The following CREM variants were observed in gnomAD, a reference collection of about 807,000 sequenced individuals.
CREM encodes cAMP responsive element modulator, also known as cAMP-responsive element modulator.
Under a neutral mutation model 37.3 loss-of-function variants are expected in CREM, and 13 were observed. The observed-to-expected ratio is 0.35, with a 90% CI of 0.23 to 0.55. The LOEUF (loss-of-function observed/expected upper bound fraction) is 0.55, where lower values mean the gene tolerates loss of function less well. CREM is among the 20% of genes least tolerant of loss of function. The pLI is 0.88. For missense variants in CREM, 296 were observed against 362.3 expected (o/e 0.82, Z 1.49); for synonymous variants, 124 against 120.2 (o/e 1.03, Z -0.21).
intron 3 of CREM, among the ~76,000 whole-genome samples, chr10:35,164,609 T>A (rs1277443191): frequency 6.6e-6 from 1 of 152,256 alleles, no homozygotes; most frequent in Admixed American, 6.5e-5. Context: ...GATTTCATGG[T>A]AAGACCAAAC....
At chr10:35,145,703 TG>T (rs1462739959) in intron 2 of CREM, among the ~76,000 whole-genome samples, 1 of 128,072 alleles carries the variant, frequency 7.8e-6, no homozygotes, top group Non-Finnish European at 1.6e-5. Context: ...TGCTGGAACC[TG>T]GGAGGCAGAG....
chr10:35,175,290 C>T (rs1190432877), intron 3 of CREM, among the ~76,000 whole-genome samples: 1 of 152,120 alleles, frequency 6.6e-6, no homozygotes, highest in Non-Finnish European at 1.5e-5. Flanking sequence ...ACTAAAAATA[C>T]AAACAATTAG....
chr10:35,180,660 A>AT (rs780004521), intron 5 of CREM, among the ~76,000 whole-genome samples: 1 of 152,142 alleles, frequency 6.6e-6, no homozygotes, highest in Non-Finnish European at 1.5e-5. Context: ...TTACATTGTC[A>AT]TTTTTTTATT....
chr10:35,157,050 T>G (rs2092959030), intron 3 of CREM, among the ~76,000 whole-genome samples: 1 of 152,234 alleles, frequency 6.6e-6, no homozygotes, highest in Non-Finnish European at 1.5e-5. Context: ...TTAACAGTGA[T>G]CAAGTACCAT....
intron 5 of CREM, among the ~76,000 whole-genome samples, chr10:35,185,985 G>C (rs987941951): frequency 6.6e-6 from 1 of 152,176 alleles, no homozygotes; most frequent in African/African-American, 2.4e-5. Flanking sequence ...TATCGCCTAA[G>C]TGCTTTTTTG....
chr10:35,155,039 A>C (rs1419097304), intron 3 of CREM, among the ~76,000 whole-genome samples: 18 of 152,180 alleles, frequency 1.2e-4, no homozygotes, highest in Admixed American at 1.2e-3. Flanking sequence ...CTTTGCTTTA[A>C]ATAAATTTTG....
chr10:35,155,831 G>A (rs935958861), intron 3 of CREM, among the ~76,000 whole-genome samples: 4 of 151,770 alleles, frequency 2.6e-5, no homozygotes, highest in Middle Eastern at 3.2e-3. Flanking sequence ...GGGTTTCACC[G>A]TGTTAGCCAG....
chr10:35,207,547 G>C (rs569759136), intron 7 of CREM, among the ~76,000 whole-genome samples: 1 of 151,884 alleles, frequency 6.6e-6, no homozygotes, highest in South Asian at 2.1e-4. Flanking sequence ...AGGTCAAGGC[G>C]GGCAGATCAC....
At position 35,175,554 on chromosome 10, in the gene CREM, C is replaced by T. The variant is rs187033981; in HGVS notation, c.169-3335C>T. On this transcript the variant is annotated intron_variant, in intron 3 of 7. Coordinates refer to ENST00000685392, the MANE Select transcript of CREM (RefSeq NM_183011.2). ...GCTTCACTGTTAGTAGGCGTGAGGTCGTAGTGAGGTAGTTTAACTGCTTTA... is the reference window on the plus strand; with the variant it reads ...GCTTCACTGTTAGTAGGCGTGAGGTTGTAGTGAGGTAGTTTAACTGCTTTA... 1,236 of 889,814 alleles carry T rather than the reference C, an allele frequency of 1.4e-3. 5 individuals are homozygous for T. Among genetic ancestry groups the T allele is most frequent in the Non-Finnish European group, 1.1e-3 (628 of 551,026 alleles). The allele number at this position is 889,814 out of a possible 1,614,324, so 55.1% of individuals were successfully genotyped here. A position where few individuals can be genotyped will look rare whatever the true frequency, so the allele number is the denominator to read the frequency against.
At chr10:35,158,351 A>T (rs1280357468) in intron 3 of CREM, 1 of 219,240 alleles carries the variant, frequency 4.6e-6, no homozygotes, top group African/African-American at 2.4e-5. Context: ...ACAGACCGAG[A>T]AGCAGGCTGC....
intron 3 of CREM, chr10:35,175,973 C>A: frequency 6.4e-7 from 1 of 1,551,236 alleles, no homozygotes; most frequent in South Asian, 1.2e-5. Flanking sequence ...ATGGGTTATT[C>A]AGTCATCAGA....
intron 1 of CREM, among the ~76,000 whole-genome samples, chr10:35,132,197 G>C (rs1371597670): frequency 7.9e-6 from 1 of 126,662 alleles, no homozygotes; most frequent in Non-Finnish European, 1.6e-5. Context: ...CGAGACTTGA[G>C]TCTCAAAAAA....
intron 3 of CREM, among the ~76,000 whole-genome samples, chr10:35,151,365 G>A (rs80022969): frequency 0.15 from 22,961 of 151,860 alleles, 1,959 homozygotes; most frequent in East Asian, 0.24. Context: ...GTTTTGTTTC[G>A]TTTTGTTTTT....
chr10:35,175,863 C>T, intron 3 of CREM: 1 of 1,572,728 alleles, frequency 6.4e-7, no homozygotes, highest in South Asian at 1.2e-5. Context: ...GTTTCTGTGG[C>T]TGGATCAGGC....
At chr10:35,155,768 C>T (rs533936531) in intron 3 of CREM, among the ~76,000 whole-genome samples, 41 of 151,936 alleles carry the variant, frequency 2.7e-4, no homozygotes, top group Non-Finnish European at 5.3e-4. Flanking sequence ...GCTGGGACTA[C>T]AGGCGCGTGC....
At chr10:35,200,217 ACT>A (rs1427757510) in intron 6 of CREM, among the ~76,000 whole-genome samples, 12 of 151,994 alleles carry the variant, frequency 7.9e-5, no homozygotes, top group African/African-American at 2.9e-4. Context: ...GATTATTATT[ACT>A]CTCATAGGAC....
intron 5 of CREM, among the ~76,000 whole-genome samples, chr10:35,180,771 A>T (rs901114269): frequency 1.3e-5 from 2 of 152,176 alleles, no homozygotes; most frequent in African/African-American, 4.8e-5. Flanking sequence ...CCTCTACAGC[A>T]CAGCACGCAG....
At chr10:35,175,697 C>T (rs546750933) in intron 3 of CREM, 1 of 1,614,134 alleles carries the variant, frequency 6.2e-7, no homozygotes, top group Non-Finnish European at 8.5e-7. Flanking sequence ...CAGTAACCAC[C>T]TCCCGATGGT....
At chr10:35,207,114 C>G (rs768723981) in intron 7 of CREM, 63 bp downstream of exon 7, 26 of 1,540,086 alleles carry the variant, frequency 1.7e-5, no homozygotes, top group Middle Eastern at 2.0e-4. Flanking sequence ...CAGTTTTCAC[C>G]GGGCGCAGTG....
Sources: gnomAD v4.1 joint callset for allele counts (sites outside exome capture counted in the v4.1 genomes callset) on GRCh38, gnomAD v4.1.1 for gene constraint, MANE v1.5 for transcripts, NCBI Gene and HGNC (gene_info 2026-07-23, HGNC 2026-07-21) for gene names.